Variants in TMEM80 observed in about 807,000 individuals in gnomAD.
TMEM80 encodes transmembrane protein 80.
A neutral mutation model predicts 13.6 loss-of-function variants in TMEM80; 16 were observed. The observed-to-expected ratio is 1.17, with a 90% CI of 0.79 to 1.78. The LOEUF (loss-of-function observed/expected upper bound fraction) is 1.78. Ranked by LOEUF, TMEM80 falls within the 40% of genes most tolerant of loss-of-function variation. The pLI is 0.00. For missense variants in TMEM80, 167 were observed against 184.6 expected (o/e 0.90, Z 0.55); for synonymous variants, 92 against 89.5 (o/e 1.03, Z -0.16).
chr11:695,847 G>T lies in TMEM80; in HGVS notation c.19+1G>T. ...GGTAAGATGGCGGCCCCGCGGCGAGGTGAGCTCGGGCGGGGTGGGGGCTTC... is the reference window on the plus strand; with the variant it reads ...GGTAAGATGGCGGCCCCGCGGCGAGTTGAGCTCGGGCGGGGTGGGGGCTTC... On this transcript the variant is annotated splice_donor_variant, in intron 1 of 4. Coordinates refer to ENST00000397510, the MANE Select transcript of TMEM80 (RefSeq NM_001042463.3). LOFTEE classifies it high-confidence loss of function. The T allele has an allele frequency of 1.6e-6, 2 of 1,229,772 alleles. No individual in the cohort carries two copies. Among genetic ancestry groups the T allele is most frequent in the Non-Finnish European group, 1.0e-6 (1 of 985,856 alleles). 76.2% of individuals were successfully genotyped at this position (1,229,772 alleles called of 1,614,324 possible).
chr11:695,793 G>A (rs1419419462), upstream of TMEM80: 7 of 1,236,028 alleles, frequency 5.7e-6, no homozygotes, highest in South Asian at 1.9e-4. Flanking sequence ...AGAGGCTGCC[G>A]GGATCGCGAC....
chr11:700,565 C>A (rs773209955), intron 3 of TMEM80, 50 bp from the exon 4 acceptor site: 1 of 1,418,170 alleles, frequency 7.1e-7, no homozygotes, highest in East Asian at 2.3e-5. Flanking sequence ...GAGGTGGCTG[C>A]TGCTGCTGTG....
At chr11:702,252 C>T (rs983976142) in intron 4 of TMEM80, among the ~76,000 whole-genome samples, 7 of 152,248 alleles carry the variant, frequency 4.6e-5, no homozygotes, top group Non-Finnish European at 8.8e-5. Context: ...TCTGCACTTA[C>T]GTCCCAGAAC....
At chr11:695,718 G>T, upstream of TMEM80, 1 of 1,240,540 alleles carries the variant, frequency 8.1e-7, no homozygotes, top group Non-Finnish European at 1.0e-6. Flanking sequence ...CCCGAAACGC[G>T]GCGCGGTCGG....
downstream of TMEM80, chr11:704,315 G>A (rs1861627774): frequency 4.0e-6 from 3 of 746,836 alleles, no homozygotes; most frequent in Non-Finnish European, 3.9e-6. Flanking sequence ...GCCTCCACTG[G>A]GGCTCCCTCG....
At chr11:700,737 C>T (rs1861416897) in intron 4 of TMEM80, 30 bp downstream of exon 4, 2 of 1,572,450 alleles carry the variant, frequency 1.3e-6, no homozygotes, top group Non-Finnish European at 1.8e-6. Context: ...CGTGAAGAAC[C>T]TGTCCTAAGA....
At position 703,531 on chromosome 11, in the gene TMEM80, C is replaced by T; in HGVS notation, c.*381C>T. 8.1e-7 allele frequency: 1 copy of T among 1,235,608 alleles called. No homozygotes were observed. The highest frequency in any genetic ancestry group is 1.0e-6 in the Non-Finnish European group (1 of 990,574). 76.5% of individuals were successfully genotyped at this position (1,235,608 alleles called of 1,614,324 possible). ...TCAGAACAGAGGCCTCATCTCACTG[C>T]ATCCCCCATCACCCCCTAGTTCCCC... On this transcript the variant is annotated 3_prime_UTR_variant, in exon 5 of 5. Transcript: ENST00000397510.
At chr11:695,937 C>G in intron 1 of TMEM80, 91 bp downstream of exon 1, 1 of 1,003,324 alleles carries the variant, frequency 1.0e-6, no homozygotes, top group Admixed American at 4.3e-5. Context: ...TTTCGGTGCG[C>G]TCACGGGGCC....
intron 4 of TMEM80, 92 bp downstream of exon 4, chr11:700,799 TCTCAGAGACA>T: frequency 8.2e-7 from 1 of 1,219,242 alleles, no homozygotes; most frequent in Non-Finnish European, 1.2e-6. Flanking sequence ...ATAGTGTGGT[TCTCAGAGACA>T]TTTTTTATCC....
chr11:701,359 T>G (rs1367678913), intron 4 of TMEM80, among the ~76,000 whole-genome samples: 2 of 133,070 alleles, frequency 1.5e-5, no homozygotes, highest in Admixed American at 7.8e-5. Flanking sequence ...CAGCTAATTT[T>G]GTTTTGTTTT....
intron 1 of TMEM80, 93 bp downstream of exon 1, chr11:695,939 C>A: frequency 1.0e-6 from 1 of 999,924 alleles, no homozygotes; most frequent in Non-Finnish European, 1.3e-6. Flanking sequence ...TCGGTGCGCT[C>A]ACGGGGCCGT....
chr11:703,690 A>G lies in TMEM80; in HGVS notation c.*540A>G. On this transcript the variant is annotated 3_prime_UTR_variant, in exon 5 of 5. Transcript: ENST00000397510. Reference sequence around the variant, plus strand: ...GCAACCCCAGCTCTGCCTCACAGGCAGGCAGGCCCGGTGCAAGAGTGGACT... The same window carrying G: ...GCAACCCCAGCTCTGCCTCACAGGCGGGCAGGCCCGGTGCAAGAGTGGACT... 1 of 1,232,322 alleles carries G rather than the reference A, an allele frequency of 8.1e-7. No homozygotes were observed. Among genetic ancestry groups the G allele is most frequent in the Non-Finnish European group, 1.0e-6 (1 of 988,400 alleles). 76.3% of individuals were successfully genotyped at this position (1,232,322 alleles called of 1,614,324 possible).
At position 703,802 on chromosome 11, in the gene TMEM80, G is replaced by A. The variant is rs1861606804; in HGVS notation, c.*652G>A. On this transcript the variant is annotated 3_prime_UTR_variant, in exon 5 of 5. Coordinates refer to ENST00000397510, the MANE Select transcript of TMEM80 (RefSeq NM_001042463.3). ...CTTAGCCACACTTCTCCCTTCAGGGGCTTCGGAGGAGAGGTCAGGGCTAAG... is the reference window on the plus strand; with the variant it reads ...CTTAGCCACACTTCTCCCTTCAGGGACTTCGGAGGAGAGGTCAGGGCTAAG... 1 of 1,233,166 alleles carries A rather than the reference G, an allele frequency of 8.1e-7. No homozygotes were observed. Among genetic ancestry groups the A allele is most frequent in the Non-Finnish European group, 1.0e-6 (1 of 989,080 alleles). The allele number at this position is 1,233,166 out of a possible 1,614,324, so 76.4% of individuals were successfully genotyped here.
At chr11:697,003 CGGTGGT>C (rs1224992932) in intron 1 of TMEM80, among the ~76,000 whole-genome samples, 13 of 120,102 alleles carry the variant, frequency 1.1e-4, no homozygotes, top group Non-Finnish European at 1.8e-4. Flanking sequence ...TGCTCGAACC[CGGTGGT>C]GGTGGTGGGG....
chr11:704,743 G>A (rs746682350), downstream of TMEM80: 118 of 958,160 alleles, frequency 1.2e-4, no homozygotes, highest in Non-Finnish European at 1.7e-4. Context: ...GAGTGGATGG[G>A]GCCCGAGAGG....
At chr11:700,071 C>G (rs1861373376) in intron 2 of TMEM80, 71 bp from the exon 3 acceptor site, 5 of 1,283,802 alleles carry the variant, frequency 3.9e-6, no homozygotes, top group Non-Finnish European at 5.6e-6. Context: ...CAGAACCAGC[C>G]CCTCTTGTTC....
chr11:704,537 CAGA>C (rs1861635837), downstream of TMEM80: 1 of 1,289,330 alleles, frequency 7.8e-7, no homozygotes, highest in African/African-American at 1.5e-5. Context: ...CCTGCACTCG[CAGA>C]AGACCAGCTG....
In TMEM80 at chr11:703,663, G is replaced by A; in HGVS notation, c.*513G>A. On this transcript the variant is annotated 3_prime_UTR_variant, in exon 5 of 5. Transcript: ENST00000397510. ...CAGGATGGGGTAGGCCTTGTGCTCT[G>A]AGCAACCCCAGCTCTGCCTCACAGG... is the stretch of plus-strand genomic sequence containing the variant. The A allele has an allele frequency of 8.1e-7, 1 of 1,232,498 alleles. No homozygotes were observed. The highest frequency in any genetic ancestry group is 1.0e-6 in the Non-Finnish European group (1 of 988,494). 76.3% of individuals were successfully genotyped at this position (1,232,498 alleles called of 1,614,324 possible).
Position 703,472 on chromosome 11 carries a change from G to GGGCC in TMEM80, c.*323_*326dup, listed in dbSNP as rs1229090488. On this transcript the variant is annotated 3_prime_UTR_variant, in exon 5 of 5. Transcript: ENST00000397510. ...CAGCCAGGCCTCCACAGACCCCCAT[G>GGGCC]GGCCCCCAGGGCCGAGAGGGAGGAC... 7.9e-7 allele frequency: 1 copy of GGGCC among 1,258,666 alleles called. No individual in the cohort carries two copies. Among genetic ancestry groups the GGGCC allele is most frequent in the Non-Finnish European group, 1.0e-6 (1 of 1,003,896 alleles). 78.0% of individuals were successfully genotyped at this position (1,258,666 alleles called of 1,614,324 possible). A position where few individuals can be genotyped will look rare whatever the true frequency, so the allele number is the denominator to read the frequency against.
Sources: allele counts gnomAD v4.1 joint callset (sites outside exome capture counted in the v4.1 genomes callset), GRCh38; gene constraint gnomAD v4.1.1; transcripts MANE v1.5; gene names NCBI Gene and HGNC (gene_info 2026-07-23, HGNC 2026-07-21).